NCOA2: variants seen among roughly 807,000 people sequenced by gnomAD.
The protein encoded by NCOA2 is nuclear receptor coactivator 2, also known as class E basic helix-loop-helix protein 75.
In NCOA2, 21 loss-of-function variants were observed where a neutral mutation model predicts 145.1. That is an observed-to-expected ratio of 0.14 (90% CI 0.10 to 0.21). The LOEUF is 0.21. Among genes scored for constraint, NCOA2 ranks in the 10% least tolerant of loss-of-function variants. The pLI, the probability that NCOA2 is intolerant of heterozygous loss-of-function variation, is 1.00. For synonymous variants in NCOA2, 619 were observed against 637.5 expected, an observed-to-expected ratio of 0.97 and a Z score of 0.44; for missense variants, 1,472 against 1,837.6, an observed-to-expected ratio of 0.80 and a Z score of 3.64.
At chr8:70,189,834 G>A (rs1816483724) in intron 4 of NCOA2, among the ~76,000 whole-genome samples, 1 of 152,198 alleles carries the variant, frequency 6.6e-6, no homozygotes, top group Admixed American at 6.5e-5. Context: ...TTTGAAATTT[G>A]TGAATTCATA....
chr8:70,161,562 A>G (rs1467318320), intron 9 of NCOA2, among the ~76,000 whole-genome samples: 1 of 152,248 alleles, frequency 6.6e-6, no homozygotes, highest in Non-Finnish European at 1.5e-5. Context: ...CAGGTCATTT[A>G]TTAAGATTTT....
intron 2 of NCOA2, among the ~76,000 whole-genome samples, chr8:70,236,462 C>G (rs1431468304): frequency 1.3e-5 from 2 of 152,016 alleles, no homozygotes; most frequent in Non-Finnish European, 2.9e-5. Context: ...CAGCTCTTAC[C>G]TAAGTTCTTT....
chr8:70,166,647 T>C lies in NCOA2; in HGVS notation c.649A>G (p.Asn217Asp). 1 of 1,613,990 alleles carries C rather than the reference T, an allele frequency of 6.2e-7. No individual in the cohort carries two copies. The highest frequency in any genetic ancestry group is 2.2e-5 in the East Asian group (1 of 44,884). The change falls in exon 7 of 23, where the codon AAC becomes GAC. Residue 217 changes from asparagine to aspartate, a missense_variant. Coordinates refer to ENST00000452400, the MANE Select transcript of NCOA2 (RefSeq NM_006540.4). Reference protein sequence around the residue: ...LPDSEEEGHDNQEAHQKYETM... With the variant: ...LPDSEEEGHDDQEAHQKYETM... ...TCATATTTCTGATGAGCTTCCTGGT[T>C]ATCATGACCCTCCTCTTCTGAATCA...
chr8:70,295,593 C>T (rs1400405864), intron 2 of NCOA2, among the ~76,000 whole-genome samples: 1 of 152,116 alleles, frequency 6.6e-6, no homozygotes, highest in Non-Finnish European at 1.5e-5. Flanking sequence ...TTTTTCATAA[C>T]ATTTAAGAGC....
intron 1 of NCOA2, among the ~76,000 whole-genome samples, chr8:70,351,541 T>C (rs1443658852): frequency 1.3e-5 from 2 of 151,868 alleles, no homozygotes; most frequent in Admixed American, 1.3e-4. Flanking sequence ...TGAATCTTTA[T>C]CTAGGTTTCT....
At chr8:70,187,558 G>A (rs1037250505) in intron 4 of NCOA2, among the ~76,000 whole-genome samples, 1 of 152,170 alleles carries the variant, frequency 6.6e-6, no homozygotes, top group Non-Finnish European at 1.5e-5. Context: ...CAGATATACA[G>A]ACTGTGAGCA....
At chr8:70,271,719 C>T (rs960099267) in intron 2 of NCOA2, among the ~76,000 whole-genome samples, 3 of 152,208 alleles carry the variant, frequency 2.0e-5, no homozygotes, top group African/African-American at 7.2e-5. Flanking sequence ...AGGTCCTGCA[C>T]GACTGAGATA....
intron 1 of NCOA2, among the ~76,000 whole-genome samples, chr8:70,389,540 A>G (rs1475006979): frequency 6.6e-6 from 1 of 152,050 alleles, no homozygotes; most frequent in African/African-American, 2.4e-5. Context: ...CCAGCCTCCC[A>G]AAGTGCTGGG....
At chr8:70,315,516 C>T (rs1805513416) in intron 1 of NCOA2, among the ~76,000 whole-genome samples, 1 of 152,148 alleles carries the variant, frequency 6.6e-6, no homozygotes, top group South Asian at 2.1e-4. Context: ...AACATTTTAA[C>T]TACCCTGACC....
At chr8:70,423,041 C>T in the NCOA2 span, among the ~76,000 whole-genome samples, 1 of 152,132 alleles carries the variant, frequency 6.6e-6, no homozygotes, top group Non-Finnish European at 1.5e-5. Context: ...TATGGCTGTA[C>T]TGTAATGTAT....
At chr8:70,390,750 A>C (rs1423584484) in intron 1 of NCOA2, among the ~76,000 whole-genome samples, 2 of 152,214 alleles carry the variant, frequency 1.3e-5, no homozygotes, top group African/African-American at 4.8e-5. Context: ...CCTGGGCTAC[A>C]GAGCAAGACC....
chr8:70,225,561 AAAAGAAAAG>A (rs869152365), intron 2 of NCOA2, among the ~76,000 whole-genome samples: 21 of 151,254 alleles, frequency 1.4e-4, no homozygotes, highest in African/African-American at 4.4e-4. Flanking sequence ...AAAAAAAAAG[AAAAGAAAAG>A]AAAGAAAAGA....
chr8:70,223,652 GT>G (rs1360521406), intron 2 of NCOA2, among the ~76,000 whole-genome samples: 2 of 152,116 alleles, frequency 1.3e-5, no homozygotes, highest in African/African-American at 4.8e-5. Flanking sequence ...ATTGGTTGGC[GT>G]TTTCTACGTA....
chr8:70,233,525 T>C (rs187400575), intron 2 of NCOA2, among the ~76,000 whole-genome samples: 68 of 152,294 alleles, frequency 4.5e-4, no homozygotes, highest in African/African-American at 1.4e-3. Context: ...CCCAAAGATA[T>C]TGTATCTCTT....
intron 2 of NCOA2, among the ~76,000 whole-genome samples, chr8:70,224,061 C>T (rs1372266667): frequency 6.6e-6 from 1 of 152,196 alleles, no homozygotes; most frequent in Non-Finnish European, 1.5e-5. Context: ...ATAACTAATG[C>T]TCCAGGCACT....
chr8:70,401,164 G>T (rs1203666244), intron 1 of NCOA2, among the ~76,000 whole-genome samples: 1 of 151,972 alleles, frequency 6.6e-6, no homozygotes, highest in Admixed American at 6.6e-5. Context: ...TTAAAAGACT[G>T]CTATTCCTGC....
intron 1 of NCOA2, among the ~76,000 whole-genome samples, chr8:70,395,605 G>C (rs2131693404): frequency 6.6e-6 from 1 of 152,250 alleles, no homozygotes; most frequent in South Asian, 2.1e-4. Context: ...AGTACAATTA[G>C]AAATTTTAAG....
Position 70,265,816 on chromosome 8 carries a change from TTG to T in NCOA2, c.-20+30926_-20+30927del, listed in dbSNP as rs755172624. On this transcript the variant is annotated intron_variant, in intron 2 of 22. Transcript: ENST00000452400. ...GCAAACCAGAAACTTCAGTTTTTTG[TTG>T]TTGTTGTTGTTGTTGTTTTGTTTGT... Among the ~76,000 whole-genome samples, 555 of 147,858 alleles carry T rather than the reference TTG, an allele frequency of 3.8e-3. 1 individual carries two copies. Among genetic ancestry groups the T allele is most frequent in the Middle Eastern group, 0.024 (7 of 294 alleles).
At chr8:70,208,301 A>C (rs1275706638) in intron 4 of NCOA2, among the ~76,000 whole-genome samples, 1 of 152,198 alleles carries the variant, frequency 6.6e-6, no homozygotes, top group Non-Finnish European at 1.5e-5. Context: ...TTCTATGAGA[A>C]GATGCAGAAG....
Sources: gnomAD v4.1 joint callset for allele counts (sites outside exome capture counted in the v4.1 genomes callset) on GRCh38, gnomAD v4.1.1 for gene constraint, MANE v1.5 for transcripts, NCBI Gene and HGNC (gene_info 2026-07-23, HGNC 2026-07-21) for gene names.